Variants in TMEM163 observed in about 807,000 individuals in gnomAD.
TMEM163 encodes the protein transmembrane protein 163.
A neutral mutation model predicts 29.3 loss-of-function variants in TMEM163; 17 were observed. The ratio of observed to expected loss-of-function variants is 0.58; its 90% CI spans 0.40 to 0.87. TMEM163 has a LOEUF of 0.87. Ranked by LOEUF, TMEM163 falls within the 40% of genes least tolerant of loss-of-function variation. TMEM163 has a pLI of 0.00. For missense variants in TMEM163, 303 were observed against 381.5 expected (o/e 0.79, Z 1.71); for synonymous variants, 157 against 160.6 (o/e 0.98, Z 0.17).
intron 2 of TMEM163, among the ~76,000 whole-genome samples, chr2:134,593,372 A>G (rs1270175953): frequency 6.6e-6 from 1 of 152,116 alleles, no homozygotes; most frequent in Non-Finnish European, 1.5e-5. Context: ...ACAAAACACC[A>G]CACCATACCC....
At chr2:134,709,149 C>T (rs543929759) in intron 2 of TMEM163, among the ~76,000 whole-genome samples, 39 of 152,272 alleles carry the variant, frequency 2.6e-4, no homozygotes, top group Middle Eastern at 3.4e-3. Flanking sequence ...AACTTCTGTT[C>T]TCTTTCTAGC....
chr2:134,615,526 C>A (rs1229645739), intron 2 of TMEM163, among the ~76,000 whole-genome samples: 1 of 152,116 alleles, frequency 6.6e-6, no homozygotes, highest in South Asian at 2.1e-4. Flanking sequence ...AAATTAACAG[C>A]AGAAACAATA....
At chr2:134,689,183 A>G (rs1684410943) in intron 2 of TMEM163, among the ~76,000 whole-genome samples, 1 of 146,012 alleles carries the variant, frequency 6.8e-6, no homozygotes. Context: ...ATCTTGGCTC[A>G]CGGCAACCTC....
intron 2 of TMEM163, among the ~76,000 whole-genome samples, chr2:134,623,505 C>T (rs1286647742): frequency 6.6e-6 from 1 of 152,164 alleles, no homozygotes; most frequent in Non-Finnish European, 1.5e-5. Flanking sequence ...CAGTGGCTCA[C>T]GCCTGTAATC....
Position 134,525,261 on chromosome 2 carries a change from C to T in TMEM163, c.459-22264G>A, listed in dbSNP as rs150292869. ...GCTTGTTAGCAATGCAAATTCTCAG[C>T]TTCACTCCATCCCTCCTGATCAGAG... On this transcript the variant is annotated intron_variant, in intron 4 of 7. Coordinates refer to ENST00000281924, the MANE Select transcript of TMEM163 (RefSeq NM_030923.5). 8.9e-4 allele frequency among the ~76,000 whole-genome samples: 136 copies of T among 152,364 alleles called. 4 individuals are homozygous for T. In the East Asian group the frequency reaches 0.024, roughly 27 times the overall value.
intron 2 of TMEM163, among the ~76,000 whole-genome samples, chr2:134,554,770 G>T (rs933970381): frequency 2.0e-5 from 3 of 152,170 alleles, no homozygotes; most frequent in African/African-American, 7.2e-5. Context: ...TCAAAATTAT[G>T]CAGGAACGAT....
intron 2 of TMEM163, among the ~76,000 whole-genome samples, chr2:134,674,287 T>C (rs1558987159): frequency 6.6e-6 from 1 of 151,570 alleles, no homozygotes. Context: ...TATCTCACAC[T>C]CATCTCTGGA....
chr2:134,545,039 C>T (rs896514240), intron 4 of TMEM163, among the ~76,000 whole-genome samples: 2 of 151,282 alleles, frequency 1.3e-5, no homozygotes, highest in East Asian at 3.9e-4. Flanking sequence ...CTTTATATGC[C>T]TACACAAGTG....
chr2:134,699,839 T>A (rs1211504629), intron 2 of TMEM163, among the ~76,000 whole-genome samples: 1 of 152,318 alleles, frequency 6.6e-6, no homozygotes, highest in Admixed American at 6.5e-5. Flanking sequence ...TTCTGGGTGG[T>A]TGGAACTTTT....
At chr2:134,711,613 C>T (rs1236491426) in intron 2 of TMEM163, among the ~76,000 whole-genome samples, 1 of 152,192 alleles carries the variant, frequency 6.6e-6, no homozygotes, top group Non-Finnish European at 1.5e-5. Flanking sequence ...CACTATGCAA[C>T]TGTCTTTCTT....
intron 2 of TMEM163, among the ~76,000 whole-genome samples, chr2:134,606,631 C>T (rs940719461): frequency 6.6e-6 from 1 of 152,134 alleles, no homozygotes; most frequent in Non-Finnish European, 1.5e-5. Context: ...CCTGTGTCAT[C>T]GCGCCCCAGC....
At chr2:134,671,481 C>T (rs1257642272) in intron 2 of TMEM163, among the ~76,000 whole-genome samples, 2 of 152,186 alleles carry the variant, frequency 1.3e-5, no homozygotes, top group African/African-American at 2.4e-5. Context: ...CACTGACCTC[C>T]CTGGGTTCAA....
chr2:134,700,553 T>A (rs1451057441), intron 2 of TMEM163, among the ~76,000 whole-genome samples: 1 of 152,170 alleles, frequency 6.6e-6, no homozygotes, highest in East Asian at 1.9e-4. Flanking sequence ...CCTCATGTAC[T>A]TTTGCTTCCT....
At chr2:134,636,987 C>T (rs1683118778) in intron 2 of TMEM163, among the ~76,000 whole-genome samples, 1 of 152,154 alleles carries the variant, frequency 6.6e-6, no homozygotes, top group Non-Finnish European at 1.5e-5. Flanking sequence ...ACCACATTAT[C>T]CTTAAAAACT....
intron 2 of TMEM163, among the ~76,000 whole-genome samples, chr2:134,674,993 T>C (rs1684084638): frequency 6.6e-6 from 1 of 152,260 alleles, no homozygotes; most frequent in South Asian, 2.1e-4. Context: ...TAATTTGCTA[T>C]GGCAAGTGTA....
chr2:134,480,572 A>G (rs1234302117), intron 5 of TMEM163, among the ~76,000 whole-genome samples: 1 of 152,214 alleles, frequency 6.6e-6, no homozygotes, highest in East Asian at 1.9e-4. Flanking sequence ...CATTCCCATG[A>G]CCACAGAAAG....
intron 2 of TMEM163, among the ~76,000 whole-genome samples, chr2:134,648,641 T>A (rs1031829446): frequency 1.1e-4 from 16 of 152,174 alleles, no homozygotes; most frequent in African/African-American, 3.6e-4. Flanking sequence ...GTATTTACTT[T>A]TCTATTTGAA....
At chr2:134,499,703 CT>C (rs1679658703) in intron 5 of TMEM163, among the ~76,000 whole-genome samples, 1 of 152,196 alleles carries the variant, frequency 6.6e-6, no homozygotes, top group Non-Finnish European at 1.5e-5. Flanking sequence ...AGGGACAGGG[CT>C]GGGGAAGGGA....
chr2:134,470,450 T>G (rs1316294698), intron 5 of TMEM163, among the ~76,000 whole-genome samples: 6 of 152,136 alleles, frequency 3.9e-5, no homozygotes, highest in Non-Finnish European at 8.8e-5. Flanking sequence ...GAAGCTAAGT[T>G]TTTTAATGTA....
Sources: gnomAD v4.1 joint callset for allele counts (sites outside exome capture counted in the v4.1 genomes callset) on GRCh38, gnomAD v4.1.1 for gene constraint, MANE v1.5 for transcripts, NCBI Gene and HGNC (gene_info 2026-07-23, HGNC 2026-07-21) for gene names.